Variants in LGSN observed in about 807,000 individuals in gnomAD.
LGSN encodes the protein lengsin, lens protein with glutamine synthetase domain, also known as lengsin.
A neutral mutation model predicts 19.5 loss-of-function variants in LGSN; 21 were observed. The ratio of observed to expected loss-of-function variants is 1.07; its 90% CI spans 0.76 to 1.55. The LOEUF is 1.55. LGSN is among the 40% of genes most tolerant of loss of function. The pLI, the probability that LGSN is intolerant of heterozygous loss-of-function variation, is 0.00. For synonymous variants in LGSN, 257 were observed against 215.6 expected, an observed-to-expected ratio of 1.19 and a Z score of -1.68; for missense variants, 673 against 608.5, an observed-to-expected ratio of 1.11 and a Z score of -1.12.
the LGSN span, among the ~76,000 whole-genome samples, chr6:63,478,098 T>C: frequency 1.3e-5 from 2 of 152,110 alleles, no homozygotes; most frequent in Non-Finnish European, 2.9e-5. Context: ...TAACTGAACA[T>C]AAAGTTTTAT....
At chr6:63,514,517 G>A in the LGSN span, among the ~76,000 whole-genome samples, 1 of 152,162 alleles carries the variant, frequency 6.6e-6, no homozygotes, top group Non-Finnish European at 1.5e-5. Context: ...ATGAGCCACC[G>A]CACCCAGCCC....
chr6:63,354,779 C>A, the LGSN span, among the ~76,000 whole-genome samples: 1 of 152,186 alleles, frequency 6.6e-6, no homozygotes, highest in Middle Eastern at 3.4e-3. Context: ...TACATATACA[C>A]AATGGAATAC....
chr6:63,346,552 A>T, the LGSN span, among the ~76,000 whole-genome samples: 3 of 152,122 alleles, frequency 2.0e-5, no homozygotes, highest in Non-Finnish European at 4.4e-5. Flanking sequence ...GGCAAAAAAA[A>T]GTAAAGTGCT....
the LGSN span, among the ~76,000 whole-genome samples, chr6:63,554,526 G>A: frequency 9.9e-5 from 15 of 152,118 alleles, no homozygotes; most frequent in Admixed American, 1.3e-4. Flanking sequence ...GGCCGGGCAC[G>A]GTGGCTCACA....
At chr6:63,495,963 A>G in the LGSN span, among the ~76,000 whole-genome samples, 3 of 151,568 alleles carry the variant, frequency 2.0e-5, no homozygotes, top group Non-Finnish European at 4.4e-5. Flanking sequence ...GTCTCACTCT[A>G]TCACTCAGGC....
At chr6:63,366,614 A>G in the LGSN span, among the ~76,000 whole-genome samples, 23 of 152,290 alleles carry the variant, frequency 1.5e-4, no homozygotes, top group African/African-American at 4.8e-4. Flanking sequence ...GGAACCAAAA[A>G]AGAGCCCGCA....
the LGSN span, among the ~76,000 whole-genome samples, chr6:63,517,978 C>A: frequency 6.6e-6 from 1 of 152,012 alleles, no homozygotes; most frequent in Non-Finnish European, 1.5e-5. Context: ...CATGGTGAAA[C>A]CCCATCTCTA....
chr6:63,495,495 G>A, the LGSN span, among the ~76,000 whole-genome samples: 1 of 116,894 alleles, frequency 8.6e-6, no homozygotes, highest in Admixed American at 1.1e-4. Flanking sequence ...GTCTCAGTCT[G>A]TAGCACAGGC....
chr6:63,497,323 C>T, the LGSN span, among the ~76,000 whole-genome samples: 6 of 151,988 alleles, frequency 3.9e-5, no homozygotes, highest in Non-Finnish European at 5.9e-5. Flanking sequence ...CCAAGGCGGG[C>T]GGATCACCTG....
At chr6:63,424,450 G>A in the LGSN span, among the ~76,000 whole-genome samples, 2 of 149,606 alleles carry the variant, frequency 1.3e-5, no homozygotes. Flanking sequence ...AAATCAAAGA[G>A]TAAGGAACCC....
At chr6:63,446,105 C>T in the LGSN span, among the ~76,000 whole-genome samples, 1 of 152,098 alleles carries the variant, frequency 6.6e-6, no homozygotes, top group African/African-American at 2.4e-5. Context: ...AAAAATTAGC[C>T]GGGCCATGGT....
At chr6:63,333,432 G>GAAAAGAAAAGAAAAGAAAAGAAAAGAAAA in the LGSN span, among the ~76,000 whole-genome samples, 1 of 145,306 alleles carries the variant, frequency 6.9e-6, no homozygotes, top group African/African-American at 2.6e-5. Context: ...AAAAAGAAAA[G>GAAAAGAAAAGAAAAGAAAAGAAAAGAAAA]AAAAGAAAAG....
chr6:63,305,557 G>A (rs995591334), intron 1 of LGSN, among the ~76,000 whole-genome samples: 1 of 152,032 alleles, frequency 6.6e-6, no homozygotes, highest in Non-Finnish European at 1.5e-5. Context: ...TTCAAATAAG[G>A]GAAACTCCCA....
the LGSN span, among the ~76,000 whole-genome samples, chr6:63,414,046 T>C: frequency 6.6e-6 from 1 of 152,208 alleles, no homozygotes; most frequent in Admixed American, 6.5e-5. Context: ...GAGTGGCCAC[T>C]GGAATCACAA....
the LGSN span, among the ~76,000 whole-genome samples, chr6:63,379,344 C>T: frequency 1.3e-5 from 2 of 152,178 alleles, no homozygotes; most frequent in Non-Finnish European, 2.9e-5. Context: ...GTTGTTGGCA[C>T]ATCCTTTCAT....
the LGSN span, among the ~76,000 whole-genome samples, chr6:63,541,026 A>AGGG: frequency 6.8e-6 from 1 of 146,466 alleles, no homozygotes; most frequent in Non-Finnish European, 1.5e-5. Context: ...GGGAATGAAG[A>AGGG]AAGGAAGGAA....
At chr6:63,418,190 G>A in the LGSN span, among the ~76,000 whole-genome samples, 1 of 152,088 alleles carries the variant, frequency 6.6e-6, no homozygotes, top group Non-Finnish European at 1.5e-5. Context: ...AGAAAAAGAT[G>A]TTGACTTCTG....
chr6:63,566,622 A>G, the LGSN span, among the ~76,000 whole-genome samples: 49 of 152,216 alleles, frequency 3.2e-4, no homozygotes, highest in Admixed American at 1.3e-4. Context: ...GCCTTCAGCA[A>G]GTCATAATCT....
chr6:63,446,663 A>G, the LGSN span, among the ~76,000 whole-genome samples: 2 of 152,256 alleles, frequency 1.3e-5, no homozygotes, highest in Non-Finnish European at 2.9e-5. Context: ...AAAGATTTCT[A>G]ACATGACCTT....
Sources: allele counts gnomAD v4.1 joint callset (sites outside exome capture counted in the v4.1 genomes callset), GRCh38; gene constraint gnomAD v4.1.1; transcripts MANE v1.5; gene names NCBI Gene and HGNC (gene_info 2026-07-23, HGNC 2026-07-21).